The following ABCB11 variants were observed in gnomAD, a reference collection of about 807,000 sequenced individuals.
ABCB11 encodes the protein ATP binding cassette subfamily B member 11.
A neutral mutation model predicts 148.0 loss-of-function variants in ABCB11; 95 were observed. That is an observed-to-expected ratio of 0.64 (90% CI 0.54 to 0.76). The LOEUF is 0.76. ABCB11 is among the 30% of genes least tolerant of loss of function. The pLI is 0.00. For synonymous variants in ABCB11, 591 were observed against 555.4 expected (o/e 1.06, Z -0.90); for missense variants, 1,523 against 1,617.8 (o/e 0.94, Z 1.01).
chr2:169,008,196 A>T (rs1450184740), intron 5 of ABCB11, among the ~76,000 whole-genome samples: 1 of 152,182 alleles, frequency 6.6e-6, no homozygotes, highest in Non-Finnish European at 1.5e-5. Context: ...TTAAAACAAG[A>T]GAGATGTATC....
chr2:168,970,633 T>C, intron 14 of ABCB11: 1 of 311,520 alleles, frequency 3.2e-6, no homozygotes, highest in South Asian at 2.8e-5. Context: ...AAGGTCAAAC[T>C]AGCTTTATAA....
Position 168,979,965 on chromosome 2 carries a change from G to T in ABCB11, c.1098C>A (p.Val366=). 6.2e-7 allele frequency: 1 copy of T among 1,603,702 alleles called. No homozygotes were observed. Among genetic ancestry groups the T allele is most frequent in the South Asian group, 1.1e-5 (1 of 90,834 alleles). Residue 366 remains valine, a synonymous_variant, in exon 11 of 28, where the codon GTC becomes GTA. Transcript: ENST00000650372. Reference sequence around the variant, plus strand: ...TGCCAAGATTTAAAGCTCCTACTATGACACTGAGGAAAATCTGAAATGAAA... The same window carrying T: ...TGCCAAGATTTAAAGCTCCTACTATTACACTGAGGAAAATCTGAAATGAAA... The part of the protein sequence containing the change: ...PGTLVQIFLS[V]IVGALNLGNA...
At chr2:168,918,321 T>C (rs181460351), downstream of ABCB11, among the ~76,000 whole-genome samples, 6 of 152,328 alleles carry the variant, frequency 3.9e-5, no homozygotes, top group Admixed American at 3.9e-4. Context: ...AGACCATCAA[T>C]AGACATTTTA....
chr2:168,923,617 T>A lies in ABCB11; in HGVS notation c.*5A>T. 6.2e-7 allele frequency: 1 copy of A among 1,613,800 alleles called. No individual in the cohort carries two copies. Among genetic ancestry groups the A allele is most frequent in the South Asian group, 1.1e-5 (1 of 91,078 alleles). On this transcript the variant is annotated 3_prime_UTR_variant, in exon 28 of 28. Coordinates refer to ENST00000650372, the MANE Select transcript of ABCB11 (RefSeq NM_003742.4). ...GTCATGTGTGTCTGAGATTCTTGCATTGGGTCAACTGATGGGGGATCCAGT... is the reference window on the plus strand; with the variant it reads ...GTCATGTGTGTCTGAGATTCTTGCAATGGGTCAACTGATGGGGGATCCAGT...
chr2:168,990,650 C>A, intron 9 of ABCB11, 151 bp downstream of exon 9: 1 of 948,776 alleles, frequency 1.1e-6, no homozygotes, highest in Non-Finnish European at 1.6e-6. Flanking sequence ...AATTACCAAC[C>A]TAAATTACTC....
intron 25 of ABCB11, among the ~76,000 whole-genome samples, chr2:168,928,330 A>T (rs374505668): frequency 6.6e-6 from 1 of 152,210 alleles, no homozygotes; most frequent in Non-Finnish European, 1.5e-5. Context: ...AGCTCCTAGA[A>T]GGCAGAAGAC....
At chr2:169,027,132 C>T (rs1052949655) in intron 1 of ABCB11, among the ~76,000 whole-genome samples, 7 of 152,304 alleles carry the variant, frequency 4.6e-5, no homozygotes, top group South Asian at 4.1e-4. Flanking sequence ...TTTTACTGTG[C>T]ACTTTAACAT....
chr2:169,014,229 T>C (rs1695284097), intron 4 of ABCB11, 74 bp downstream of exon 4: 24 of 1,413,868 alleles, frequency 1.7e-5, no homozygotes, highest in Non-Finnish European at 3.0e-6. Context: ...TGACTAAAGA[T>C]TTAACACTCC....
intron 9 of ABCB11, 61 bp from the exon 10 acceptor site, chr2:168,986,345 A>C: frequency 7.0e-7 from 1 of 1,426,696 alleles, no homozygotes; most frequent in South Asian, 1.2e-5. Flanking sequence ...TAATGTTTAA[A>C]ACAGGCCGTG....
At chr2:168,970,565 C>A in intron 14 of ABCB11, 1 of 368,056 alleles carries the variant, frequency 2.7e-6, no homozygotes, top group Non-Finnish European at 5.2e-6. Context: ...TGTCTCTTTG[C>A]TCCTGTTAGA....
At chr2:168,990,698 G>A in intron 9 of ABCB11, 103 bp downstream of exon 9, 2 of 1,436,552 alleles carry the variant, frequency 1.4e-6, no homozygotes, top group Non-Finnish European at 1.9e-6. Context: ...TCCTCTGGAG[G>A]CCACAGACCA....
At chr2:169,023,680 A>T (rs1695603348) in intron 1 of ABCB11, among the ~76,000 whole-genome samples, 1 of 152,200 alleles carries the variant, frequency 6.6e-6, no homozygotes, top group African/African-American at 2.4e-5. Context: ...CATTTATGTA[A>T]ATTGTGTTAC....
At chr2:168,952,924 A>C (rs1692634406) in intron 19 of ABCB11, among the ~76,000 whole-genome samples, 1 of 151,642 alleles carries the variant, frequency 6.6e-6, no homozygotes, top group African/African-American at 2.4e-5. Flanking sequence ...CATTCATTTC[A>C]AAAAATTTTC....
At position 168,921,664 on chromosome 2, in the gene ABCB11, G is replaced by T. The variant is rs1691077023; in HGVS notation, c.*1958C>A. Among the ~76,000 whole-genome samples, 1 of 151,728 alleles carries T rather than the reference G, an allele frequency of 6.6e-6. No homozygotes were observed. Among genetic ancestry groups the T allele is most frequent in the South Asian group, 2.1e-4 (1 of 4,796 alleles). ...CCCTATTGTTGCTTTTGCTTTATAT[G>T]TTAAAATACTTCCTCAGTGTCTGGT... is the stretch of plus-strand genomic sequence containing the variant. On this transcript the variant is annotated 3_prime_UTR_variant, in exon 28 of 28. Coordinates refer to ENST00000650372, the MANE Select transcript of ABCB11 (RefSeq NM_003742.4).
At chr2:168,933,337 T>G (rs1226722266) in intron 23 of ABCB11, among the ~76,000 whole-genome samples, 1 of 152,196 alleles carries the variant, frequency 6.6e-6, no homozygotes, top group East Asian at 1.9e-4. Context: ...GCAAGACAGA[T>G]GCAATTGCCT....
chr2:169,012,387 C>T (rs906755042), intron 5 of ABCB11, among the ~76,000 whole-genome samples: 2 of 152,076 alleles, frequency 1.3e-5, no homozygotes, highest in African/African-American at 4.8e-5. Context: ...TCAGGCTTAT[C>T]ACAAAGAAAA....
At chr2:169,002,795 G>C (rs1404698053) in intron 5 of ABCB11, among the ~76,000 whole-genome samples, 1 of 152,060 alleles carries the variant, frequency 6.6e-6, no homozygotes, top group East Asian at 1.9e-4. Flanking sequence ...AGATTAGGGA[G>C]ATGGTTAAAA....
intron 21 of ABCB11, among the ~76,000 whole-genome samples, chr2:168,942,326 T>C (rs1692100336): frequency 6.6e-6 from 1 of 151,810 alleles, no homozygotes; most frequent in African/African-American, 2.4e-5. Flanking sequence ...TATGTGTGCA[T>C]ATGAATTTCA....
At chr2:168,990,478 A>G (rs1438358216) in intron 9 of ABCB11, among the ~76,000 whole-genome samples, 1 of 152,032 alleles carries the variant, frequency 6.6e-6, no homozygotes, top group African/African-American at 2.4e-5. Context: ...TTCTTTAATG[A>G]CAGCAAACAG....
Sources: allele counts gnomAD v4.1 joint callset (sites outside exome capture counted in the v4.1 genomes callset), GRCh38; gene constraint gnomAD v4.1.1; transcripts MANE v1.5; gene names NCBI Gene and HGNC (gene_info 2026-07-23, HGNC 2026-07-21).